TLE4: variants seen among roughly 807,000 people sequenced by gnomAD.
TLE4 encodes the protein TLE family member 4, transcriptional corepressor, also known as transducin-like enhancer protein 4.
Under a neutral mutation model 92.8 loss-of-function variants are expected in TLE4, and 8 were observed. The ratio of observed to expected loss-of-function variants is 0.09; its 90% CI spans 0.05 to 0.16. The LOEUF (loss-of-function observed/expected upper bound fraction) is 0.16, where lower values mean the gene tolerates loss of function less well. TLE4 is among the 10% of genes least tolerant of loss of function. The pLI, the probability that TLE4 is intolerant of heterozygous loss-of-function variation, is 1.00. For missense variants in TLE4, 675 were observed against 997.6 expected, an observed-to-expected ratio of 0.68 and a Z score of 4.36; for synonymous variants, 371 against 374.1, an observed-to-expected ratio of 0.99 and a Z score of 0.10.
chr9:79,616,553 A>T (rs1217284815), intron 5 of TLE4, among the ~76,000 whole-genome samples: 2 of 152,074 alleles, frequency 1.3e-5, no homozygotes, highest in South Asian at 4.1e-4. Context: ...CTTCCTCTCT[A>T]ATGTCCTTAT....
chr9:79,657,847 C>T lies in TLE4; in HGVS notation c.609+3772C>T, dbSNP rs76749585. Among the ~76,000 whole-genome samples, 1,080 of 152,268 alleles carry T rather than the reference C, an allele frequency of 7.1e-3. 32 individuals carry two copies. In the East Asian group the frequency reaches 0.086, roughly 12 times the overall value. On this transcript the variant is annotated intron_variant, in intron 8 of 19. Coordinates refer to ENST00000376552, the MANE Select transcript of TLE4 (RefSeq NM_007005.6). ...ACTATCACCAAATGCTCATTAGCTC[C>T]GTGGCCTCAACCAAGTTGCTATTAT...
At chr9:79,722,934 C>T in intron 18 of TLE4, 25 bp from the exon 19 acceptor site, 8 of 1,611,042 alleles carry the variant, frequency 5.0e-6, no homozygotes, top group Non-Finnish European at 6.8e-6. Context: ...CAAACATTGC[C>T]TTTTTCAAAA....
At chr9:79,636,746 A>G (rs1044054918) in intron 6 of TLE4, among the ~76,000 whole-genome samples, 5 of 152,110 alleles carry the variant, frequency 3.3e-5, no homozygotes, top group Non-Finnish European at 5.9e-5. Context: ...GTTATGCATC[A>G]CTTTCCCTTG....
chr9:79,640,556 T>A (rs569415556), intron 6 of TLE4, among the ~76,000 whole-genome samples: 9 of 152,190 alleles, frequency 5.9e-5, no homozygotes, highest in Non-Finnish European at 1.3e-4. Context: ...TACAACTATC[T>A]ACCTAGTTAC....
intron 5 of TLE4, among the ~76,000 whole-genome samples, chr9:79,616,486 AC>A (rs2049649465): frequency 6.6e-6 from 1 of 152,166 alleles, no homozygotes; most frequent in Non-Finnish European, 1.5e-5. Flanking sequence ...AGGAGCTAGA[AC>A]CAGCCCTCCC....
At chr9:79,679,885 A>T (rs2064123213) in intron 8 of TLE4, among the ~76,000 whole-genome samples, 1 of 152,042 alleles carries the variant, frequency 6.6e-6, no homozygotes, top group Admixed American at 6.6e-5. Flanking sequence ...TCCTTTCCCC[A>T]TTGCTTGTTT....
chr9:79,632,090 G>A (rs2054429450), intron 6 of TLE4, among the ~76,000 whole-genome samples: 1 of 152,166 alleles, frequency 6.6e-6, no homozygotes, highest in Non-Finnish European at 1.5e-5. Flanking sequence ...AGCACCTCCA[G>A]TCAGCCATAG....
chr9:79,688,527 T>C (rs2066372439), intron 8 of TLE4, among the ~76,000 whole-genome samples: 1 of 152,088 alleles, frequency 6.6e-6, no homozygotes, highest in Non-Finnish European at 1.5e-5. Flanking sequence ...TCATACACTT[T>C]AAGCTTGTAA....
intron 8 of TLE4, among the ~76,000 whole-genome samples, chr9:79,672,212 A>C (rs945942738): frequency 1.2e-4 from 19 of 152,022 alleles, no homozygotes; most frequent in African/African-American, 4.4e-4. Flanking sequence ...TTTTCTTAAT[A>C]AGAATGACAA....
chr9:79,703,764 T>C (rs2070660722), intron 8 of TLE4, among the ~76,000 whole-genome samples: 1 of 152,170 alleles, frequency 6.6e-6, no homozygotes, highest in South Asian at 2.1e-4. Flanking sequence ...TCATGAAAAC[T>C]ATAGGAGTGA....
intron 8 of TLE4, among the ~76,000 whole-genome samples, chr9:79,694,169 A>G (rs1411595473): frequency 6.6e-6 from 1 of 152,182 alleles, no homozygotes; most frequent in Non-Finnish European, 1.5e-5. Context: ...GGAAGGAGAA[A>G]GAGGGAGAGG....
In TLE4 at chr9:79,572,088, TAAAA is replaced by T. The variant is rs1021967227; in HGVS notation, c.-696_-693del. The T allele has an allele frequency of 1.4e-5, 2 of 145,920 alleles. No individual in the cohort carries two copies. Among genetic ancestry groups the T allele is most frequent in the African/African-American group, 2.5e-5 (1 of 39,636 alleles). 9.0% of individuals were successfully genotyped at this position (145,920 alleles called of 1,614,324 possible). A position where few individuals can be genotyped will look rare whatever the true frequency, so the allele number is the denominator to read the frequency against. On this transcript the variant is annotated 5_prime_UTR_variant, in exon 1 of 20. Transcript: ENST00000376552. Reference sequence around the variant, plus strand: ...CGCAGAGTTTGAAAGGAGAGAGAATTAAAAAAAAAAGCCGCAAGCGTTTCACTCT... The same window carrying T: ...CGCAGAGTTTGAAAGGAGAGAGAATTAAAAAAGCCGCAAGCGTTTCACTCT...
At chr9:79,691,166 A>G (rs2135527362) in intron 8 of TLE4, among the ~76,000 whole-genome samples, 1 of 152,168 alleles carries the variant, frequency 6.6e-6, no homozygotes, top group South Asian at 2.1e-4. Context: ...CCACAGCAAC[A>G]GCTCCTTACT....
intron 8 of TLE4, among the ~76,000 whole-genome samples, chr9:79,663,983 GCC>G (rs1192454478): frequency 6.6e-6 from 1 of 152,194 alleles, no homozygotes; most frequent in Non-Finnish European, 1.5e-5. Context: ...GTCTCCCGTT[GCC>G]CTAGCAACGG....
At position 79,573,691 on chromosome 9, in the gene TLE4, A is replaced by G; in HGVS notation, c.48A>G (p.Ala16=). The G allele has an allele frequency of 6.3e-7, 1 of 1,596,006 alleles. No homozygotes were observed. Among genetic ancestry groups the G allele is most frequent in the African/African-American group, 1.3e-5 (1 of 74,812 alleles). Residue 16 remains alanine (A), a splice_region_variant and synonymous_variant, in exon 2 of 20, where the codon GCA becomes GCG. Transcript: ENST00000376552. ...AATATTTTATTGTTGTTCTTCAGGC[A>G]CCGCATCAGCCTGCTCAACCCTTTA... The part of the protein sequence containing the change: ...SKMYPQTRHP[A]PHQPAQPFKF...
intron 4 of TLE4, among the ~76,000 whole-genome samples, chr9:79,578,167 C>T (rs1159868250): frequency 6.6e-6 from 1 of 152,168 alleles, no homozygotes; most frequent in African/African-American, 2.4e-5. Context: ...TCCTCTTAGC[C>T]TCTCTTCCAG....
chr9:79,722,929 A>G (rs749692329), intron 18 of TLE4, 30 bp from the exon 19 acceptor site: 3 of 1,606,074 alleles, frequency 1.9e-6, no homozygotes, highest in Non-Finnish European at 2.6e-6. Context: ...TAACACAAAC[A>G]TTGCCTTTTT....
intron 8 of TLE4, among the ~76,000 whole-genome samples, chr9:79,661,718 G>C (rs540839046): frequency 1.8e-4 from 27 of 152,220 alleles, no homozygotes; most frequent in South Asian, 1.7e-3. Flanking sequence ...GTTTTTCTTT[G>C]AATCTAAATA....
intron 14 of TLE4, chr9:79,717,870 G>A (rs1466706907): frequency 4.8e-6 from 2 of 416,344 alleles, no homozygotes; most frequent in African/African-American, 4.1e-5. Flanking sequence ...GCCTGCCACT[G>A]GCGTCTTCTG....
Sources: allele counts gnomAD v4.1 joint callset (sites outside exome capture counted in the v4.1 genomes callset), GRCh38; gene constraint gnomAD v4.1.1; transcripts MANE v1.5; gene names NCBI Gene and HGNC (gene_info 2026-07-23, HGNC 2026-07-21).